ARHGAP15: variants seen among roughly 807,000 people sequenced by gnomAD.
The protein encoded by ARHGAP15 is rho GTPase-activating protein 15.
ARHGAP15 carries 51 observed loss-of-function variants against 63.7 expected under a neutral mutation model. The observed-to-expected ratio is 0.80, with a 90% CI of 0.64 to 1.01. ARHGAP15 has a LOEUF of 1.01. Among genes scored for constraint, ARHGAP15 ranks in the 50% least tolerant of loss-of-function variants. The pLI, the probability that ARHGAP15 is intolerant of heterozygous loss-of-function variation, is 0.00. For missense variants in ARHGAP15, 560 were observed against 564.6 expected, an observed-to-expected ratio of 0.99 and a Z score of 0.08; for synonymous variants, 191 against 193.8, an observed-to-expected ratio of 0.99 and a Z score of 0.12.
chr2:143,344,480 C>A (rs1685184310), intron 6 of ARHGAP15, among the ~76,000 whole-genome samples: 1 of 152,022 alleles, frequency 6.6e-6, no homozygotes, highest in East Asian at 1.9e-4. Context: ...AAGTACTGAG[C>A]TAATTTTCTT....
intron 6 of ARHGAP15, among the ~76,000 whole-genome samples, chr2:143,256,721 A>G (rs991631914): frequency 8.5e-5 from 13 of 152,052 alleles, no homozygotes; most frequent in African/African-American, 3.1e-4. Context: ...ACTTTTGTTG[A>G]TGCGGTCACA....
chr2:143,339,554 T>C (rs180757467), intron 6 of ARHGAP15, among the ~76,000 whole-genome samples: 1 of 152,116 alleles, frequency 6.6e-6, no homozygotes, highest in Non-Finnish European at 1.5e-5. Context: ...CAATCTTGGG[T>C]GCCTGGAAAG....
At chr2:143,390,927 C>T (rs887246420) in intron 6 of ARHGAP15, among the ~76,000 whole-genome samples, 6 of 152,282 alleles carry the variant, frequency 3.9e-5, no homozygotes, top group Middle Eastern at 3.4e-3. Flanking sequence ...TTGTTGCTGG[C>T]TTGAAAATCA....
chr2:143,458,585 A>G (rs995597430), intron 8 of ARHGAP15, among the ~76,000 whole-genome samples: 1 of 152,178 alleles, frequency 6.6e-6, no homozygotes, highest in Non-Finnish European at 1.5e-5. Context: ...TTGACATTTG[A>G]AAATGGACTC....
intron 4 of ARHGAP15, among the ~76,000 whole-genome samples, chr2:143,220,884 TA>T (rs1487555576): frequency 7.9e-5 from 12 of 152,188 alleles, no homozygotes; most frequent in Non-Finnish European, 1.6e-4. Context: ...CAGTAATACT[TA>T]AATGATACTA....
chr2:143,766,458 C>A (rs890567658), intron 13 of ARHGAP15, among the ~76,000 whole-genome samples: 1 of 152,064 alleles, frequency 6.6e-6, no homozygotes, highest in Non-Finnish European at 1.5e-5. Context: ...TGGCCCCCAA[C>A]GTGCAAGAGT....
chr2:143,343,884 C>G (rs1263831279), intron 6 of ARHGAP15, among the ~76,000 whole-genome samples: 3 of 152,032 alleles, frequency 2.0e-5, no homozygotes, highest in Non-Finnish European at 2.9e-5. Context: ...TAAACAGAAG[C>G]TTTCTACTTT....
At chr2:143,666,661 A>C (rs1317899923) in intron 12 of ARHGAP15, among the ~76,000 whole-genome samples, 1 of 116,132 alleles carries the variant, frequency 8.6e-6, no homozygotes, top group African/African-American at 3.1e-5. Context: ...AATTTTTGCA[A>C]CCTACTCATC....
At chr2:143,264,309 G>T (rs544972986) in intron 6 of ARHGAP15, among the ~76,000 whole-genome samples, 23 of 152,184 alleles carry the variant, frequency 1.5e-4, no homozygotes, top group African/African-American at 5.5e-4. Flanking sequence ...TAGGCCAGAA[G>T]CTACTTTTCA....
intron 12 of ARHGAP15, among the ~76,000 whole-genome samples, chr2:143,662,884 G>C (rs1171387884): frequency 4.2e-5 from 6 of 142,944 alleles, no homozygotes; most frequent in Admixed American, 2.7e-4. Flanking sequence ...AAAAAGAAAT[G>C]AGCAAAGCCT....
chr2:143,475,665 A>G (rs1691780376), intron 8 of ARHGAP15, among the ~76,000 whole-genome samples: 1 of 152,206 alleles, frequency 6.6e-6, no homozygotes, highest in African/African-American at 2.4e-5. Flanking sequence ...TGTGGGGGTA[A>G]GAAGGCCATG....
intron 2 of ARHGAP15, among the ~76,000 whole-genome samples, chr2:143,181,697 G>A (rs532088292): frequency 6.6e-6 from 1 of 152,166 alleles, no homozygotes; most frequent in Non-Finnish European, 1.5e-5. Context: ...CCTCAATTAG[G>A]TGTTAGCTCT....
At chr2:143,450,153 CT>C (rs557420934) in intron 8 of ARHGAP15, among the ~76,000 whole-genome samples, 13,163 of 91,234 alleles carry the variant, frequency 0.14, 758 homozygotes, top group African/African-American at 0.24. Context: ...AGGTTTCATG[CT>C]TTTTTTTTTT....
chr2:143,762,177 G>C (rs912761079), intron 13 of ARHGAP15, among the ~76,000 whole-genome samples: 5 of 152,046 alleles, frequency 3.3e-5, no homozygotes, highest in African/African-American at 1.2e-4. Context: ...GATTTCTTGG[G>C]AGTAAATTAA....
chr2:143,191,811 G>A (rs1482815879), intron 2 of ARHGAP15, among the ~76,000 whole-genome samples: 1 of 151,978 alleles, frequency 6.6e-6, no homozygotes, highest in Non-Finnish European at 1.5e-5. Flanking sequence ...CCTCTTCTTT[G>A]ACTAGTTCTC....
chr2:143,324,619 A>G (rs1684174349), intron 6 of ARHGAP15, among the ~76,000 whole-genome samples: 1 of 152,144 alleles, frequency 6.6e-6, no homozygotes, highest in Middle Eastern at 3.2e-3. Context: ...AAATCTGTAC[A>G]TTGGTTTTCA....
intron 6 of ARHGAP15, among the ~76,000 whole-genome samples, chr2:143,432,333 A>T (rs777998507): frequency 6.6e-6 from 1 of 152,106 alleles, no homozygotes; most frequent in Non-Finnish European, 1.5e-5. Flanking sequence ...ATGAATATTG[A>T]TGAGAGTGTT....
chr2:143,638,040 TAC>T (rs1680411238), intron 12 of ARHGAP15, among the ~76,000 whole-genome samples: 1 of 147,538 alleles, frequency 6.8e-6, no homozygotes, highest in African/African-American at 2.5e-5. Flanking sequence ...GGAACACTTT[TAC>T]ACTGTTGGTG....
chr2:143,478,736 G>A (rs1558998658), intron 8 of ARHGAP15, among the ~76,000 whole-genome samples: 1 of 152,160 alleles, frequency 6.6e-6, no homozygotes. Flanking sequence ...TAATCCGATT[G>A]TCTAGCAAAA....
Sources: gnomAD v4.1 joint callset for allele counts (sites outside exome capture counted in the v4.1 genomes callset) on GRCh38, gnomAD v4.1.1 for gene constraint, MANE v1.5 for transcripts, NCBI Gene and HGNC (gene_info 2026-07-23, HGNC 2026-07-21) for gene names.